The following TBC1D16 variants were observed in gnomAD, a reference collection of about 807,000 sequenced individuals.
TBC1D16 encodes the protein TBC1 domain family member 16.
TBC1D16 carries 58 observed loss-of-function variants against 74.7 expected under a neutral mutation model. The observed-to-expected ratio is 0.78, with a 90% CI of 0.63 to 0.97. The LOEUF (loss-of-function observed/expected upper bound fraction) is 0.97, where lower values mean the gene tolerates loss of function less well. TBC1D16 is among the 50% of genes least tolerant of loss of function. TBC1D16 has a pLI of 0.00. For synonymous variants in TBC1D16, 493 were observed against 474.7 expected, an observed-to-expected ratio of 1.04 and a Z score of -0.50; for missense variants, 1,014 against 1,079.5, an observed-to-expected ratio of 0.94 and a Z score of 0.85.
At chr17:79,960,318 G>C (rs942653273) in intron 3 of TBC1D16, among the ~76,000 whole-genome samples, 1 of 152,126 alleles carries the variant, frequency 6.6e-6, no homozygotes, top group Non-Finnish European at 1.5e-5. Flanking sequence ...TTTCACCAAA[G>C]AGGATATTCA....
intron 3 of TBC1D16, among the ~76,000 whole-genome samples, chr17:79,982,271 T>C (rs67551407): frequency 0.76 from 115,570 of 151,074 alleles, 44,639 homozygotes; most frequent in Middle Eastern, 0.83. Flanking sequence ...CTCAGCCTCC[T>C]GAGTAGCTGG....
In TBC1D16 at chr17:79,987,939, G is replaced by A. The variant is rs1327853354; in HGVS notation, c.779+22221C>T. Reference sequence around the variant, plus strand: ...ACCCTCCGAGGCTCTCGGATTTTACGCCTGCATGAGATTTCGAGGGAAGAA... The same window carrying A: ...ACCCTCCGAGGCTCTCGGATTTTACACCTGCATGAGATTTCGAGGGAAGAA... On this transcript the variant is annotated intron_variant, in intron 3 of 11. Coordinates refer to ENST00000310924, the MANE Select transcript of TBC1D16 (RefSeq NM_019020.4). This position sits in a 1 kb window ranked among gnomAD's most constrained non-coding sequence, Gnocchi z 5.2. 2.0e-5 allele frequency among the ~76,000 whole-genome samples: 3 copies of A among 152,138 alleles called. No individual in the cohort carries two copies. Among genetic ancestry groups the A allele is most frequent in the Non-Finnish European group, 1.5e-5 (1 of 68,006 alleles).
intron 3 of TBC1D16, among the ~76,000 whole-genome samples, chr17:80,006,473 G>T (rs1450853591): frequency 6.6e-6 from 1 of 151,970 alleles, no homozygotes; most frequent in Non-Finnish European, 1.5e-5. Flanking sequence ...CTTAGCCAAG[G>T]ATCTCCAGTC....
rs942927686 is a variant in TBC1D16 at position 79,971,454 on chromosome 17, T to A, written c.780-18636A>T. Among the ~76,000 whole-genome samples, 7 of 152,098 alleles carry A rather than the reference T, an allele frequency of 4.6e-5. No homozygotes were observed. Among genetic ancestry groups the A allele is most frequent in the African/African-American group, 1.7e-4 (7 of 41,414 alleles). On this transcript the variant is annotated intron_variant, in intron 3 of 11. Coordinates refer to ENST00000310924, the MANE Select transcript of TBC1D16 (RefSeq NM_019020.4). The surrounding 1 kb of genome is among the most constrained non-coding windows in gnomAD (Gnocchi z 4.6). ...AAGCCTGTCCCCCAGGTCATCCTGG[T>A]CTGGAAGCCCTGTCCCCCAGGTCAT...
rs1037682601 is a variant in TBC1D16 at position 79,944,514 on chromosome 17, C to T, written c.1908+394G>A. On this transcript the variant is annotated intron_variant, in intron 10 of 11. Transcript: ENST00000310924. This position sits in a 1 kb window ranked among gnomAD's most constrained non-coding sequence, Gnocchi z 7.7. ...GCCCTTTCTCTGCACAGCAGGGTAACGGGTGAGTCGGCCCTCGTGGCAGGG... is the reference window on the plus strand; with the variant it reads ...GCCCTTTCTCTGCACAGCAGGGTAATGGGTGAGTCGGCCCTCGTGGCAGGG... 2.6e-5 allele frequency among the ~76,000 whole-genome samples: 4 copies of T among 152,126 alleles called. No homozygotes were observed. Among genetic ancestry groups the T allele is most frequent in the African/African-American group, 9.7e-5 (4 of 41,428 alleles).
At chr17:79,959,804 G>A (rs987245348) in intron 3 of TBC1D16, among the ~76,000 whole-genome samples, 1 of 151,986 alleles carries the variant, frequency 6.6e-6, no homozygotes, top group Non-Finnish European at 1.5e-5. Context: ...CTTAGAATAG[G>A]CCCAGGTTTC....
chr17:80,008,508 C>T lies in TBC1D16; in HGVS notation c.779+1652G>A, dbSNP rs937181093. 1.3e-5 allele frequency among the ~76,000 whole-genome samples: 2 copies of T among 152,176 alleles called. No homozygotes were observed. Among genetic ancestry groups the T allele is most frequent in the Non-Finnish European group, 2.9e-5 (2 of 68,036 alleles). ...TGAGACACAACTGGGACCTTCCCCT[C>T]GCCTGGGCCCTGGGGATGCAGGGAC... On this transcript the variant is annotated intron_variant, in intron 3 of 11. Coordinates refer to ENST00000310924, the MANE Select transcript of TBC1D16 (RefSeq NM_019020.4). The surrounding 1 kb of genome is among the most constrained non-coding windows in gnomAD (Gnocchi z 4.5).
rs542474724 is a variant in TBC1D16 at position 79,940,746 on chromosome 17, T to C, written c.*113A>G. On this transcript the variant is annotated 3_prime_UTR_variant, in exon 12 of 12. Coordinates refer to ENST00000310924, the MANE Select transcript of TBC1D16 (RefSeq NM_019020.4). The surrounding 1 kb of genome is among the most constrained non-coding windows in gnomAD (Gnocchi z 5.4). ...TTCCTCTCATGTTGCCCAAAAGCATTTTCCTTAGGTTTCTACCGTCCCCTG... is the reference window on the plus strand; with the variant it reads ...TTCCTCTCATGTTGCCCAAAAGCATCTTCCTTAGGTTTCTACCGTCCCCTG... The C allele has an allele frequency of 7.9e-6, 10 of 1,269,236 alleles. No individual in the cohort carries two copies. The South Asian group carries it at 1.8e-4, about 23-fold the overall frequency. 78.6% of individuals were successfully genotyped at this position (1,269,236 alleles called of 1,614,324 possible). A position where few individuals can be genotyped will look rare whatever the true frequency, so the allele number is the denominator to read the frequency against.
intron 3 of TBC1D16, among the ~76,000 whole-genome samples, chr17:79,984,619 G>GAGAAGGAAGGAA (rs1491290219): frequency 5.1e-4 from 52 of 102,504 alleles, no homozygotes; most frequent in East Asian, 2.4e-3. Flanking sequence ...GAGGGAGGGA[G>GAGAAGGAAGGAA]TGAAGGAAGG....
intron 1 of TBC1D16, among the ~76,000 whole-genome samples, chr17:80,024,382 C>CCACAA (rs2036416586): frequency 1.3e-5 from 2 of 150,622 alleles, no homozygotes; most frequent in Non-Finnish European, 1.5e-5. Flanking sequence ...GACACACACA[C>CCACAA]CATACACCAT....
chr17:79,968,447 C>A (rs2033931382), intron 3 of TBC1D16, among the ~76,000 whole-genome samples: 1 of 152,130 alleles, frequency 6.6e-6, no homozygotes, highest in African/African-American at 2.4e-5. Flanking sequence ...AGAGCTAGAA[C>A]TATAAATCTC....
chr17:80,004,313 C>T lies in TBC1D16; in HGVS notation c.779+5847G>A, dbSNP rs146630593. ...TAACTGCAACGGGCAGAATCATAAC[C>T]CGTTTCCTGCTTTGCGTCTGATTCA... On this transcript the variant is annotated intron_variant, in intron 3 of 11. Coordinates refer to ENST00000310924, the MANE Select transcript of TBC1D16 (RefSeq NM_019020.4). Among the ~76,000 whole-genome samples, 1,481 of 152,302 alleles carry T rather than the reference C, an allele frequency of 9.7e-3. 90 individuals are homozygous for T. Among genetic ancestry groups the T allele is most frequent in the Admixed American group, 0.088 (1,343 of 15,294 alleles).
At chr17:79,963,117 T>A (rs1349026909) in intron 3 of TBC1D16, among the ~76,000 whole-genome samples, 2 of 150,344 alleles carry the variant, frequency 1.3e-5, no homozygotes, top group Non-Finnish European at 2.9e-5. Flanking sequence ...TGGGGGAGAC[T>A]GAGGCAGGAG....
chr17:79,945,546 C>T lies in TBC1D16; in HGVS notation c.1729-459G>A, dbSNP rs572579464. On this transcript the variant is annotated intron_variant, in intron 9 of 11. Transcript: ENST00000310924. ...GAGCTGTTTTAGGGCAGGAAGGGGA[C>T]GTATCTGAGCCCCAGGATGCTCGAT... Among the ~76,000 whole-genome samples the T allele has an allele frequency of 2.4e-4, 36 of 152,296 alleles. No individual in the cohort carries two copies. In the East Asian group the frequency reaches 6.4e-3, roughly 27 times the overall value.
At chr17:79,978,402 AG>A (rs2034430484) in intron 3 of TBC1D16, among the ~76,000 whole-genome samples, 1 of 148,286 alleles carries the variant, frequency 6.7e-6, no homozygotes, top group South Asian at 2.3e-4. Context: ...AGCACGGTTT[AG>A]GAAAAGATAA....
intron 1 of TBC1D16, among the ~76,000 whole-genome samples, chr17:80,028,839 C>A (rs1210528339): frequency 3.3e-5 from 5 of 151,968 alleles, no homozygotes; most frequent in Non-Finnish European, 7.4e-5. Context: ...GTTTCAATCT[C>A]CTGACCTCGT....
At chr17:79,970,250 A>G (rs535651910) in intron 3 of TBC1D16, among the ~76,000 whole-genome samples, 3 of 152,344 alleles carry the variant, frequency 2.0e-5, no homozygotes, top group African/African-American at 7.2e-5. Context: ...AGAGACAGAC[A>G]GCAGGTTAGT....
At position 79,981,863 on chromosome 17, in the gene TBC1D16, C is replaced by T. The variant is rs923831263; in HGVS notation, c.779+28297G>A. On this transcript the variant is annotated intron_variant, in intron 3 of 11. Transcript: ENST00000310924. This position sits in a 1 kb window ranked among gnomAD's most constrained non-coding sequence, Gnocchi z 6.9. ...AACCTCAATCCCACTCCTCCAAGGG[C>T]GCGCCAGGGAACAGCAGGACGCGGC... is the stretch of plus-strand genomic sequence containing the variant. Among the ~76,000 whole-genome samples, 2 of 152,256 alleles carry T rather than the reference C, an allele frequency of 1.3e-5. No individual in the cohort carries two copies. The highest frequency in any genetic ancestry group is 4.1e-4 in the South Asian group (2 of 4,836).
intron 1 of TBC1D16, among the ~76,000 whole-genome samples, chr17:80,032,035 G>A (rs2036792161): frequency 6.6e-6 from 1 of 152,232 alleles, no homozygotes; most frequent in Non-Finnish European, 1.5e-5. Context: ...AATGACATCT[G>A]TAAAGTTCAC....
Sources: allele counts gnomAD v4.1 joint callset (sites outside exome capture counted in the v4.1 genomes callset), GRCh38; gene constraint gnomAD v4.1.1; non-coding constraint Gnocchi (gnomAD v3.1); transcripts MANE v1.5; gene names NCBI Gene and HGNC (gene_info 2026-07-23, HGNC 2026-07-21).